WDR76: variants seen among roughly 807,000 people sequenced by gnomAD.
WDR76 encodes WD repeat-containing protein 76.
In WDR76, 52 loss-of-function variants were observed where a neutral mutation model predicts 70.2. That is an observed-to-expected ratio of 0.74 (90% CI 0.59 to 0.93). The LOEUF is 0.93. Ranked by LOEUF, WDR76 falls within the 40% of genes least tolerant of loss-of-function variation. WDR76 has a pLI of 0.00. For synonymous variants in WDR76, 292 were observed against 271.1 expected (o/e 1.08, Z -0.76); for missense variants, 756 against 760.2 (o/e 0.99, Z 0.07).
At chr15:43,856,203 GTTGC>G (rs2087924856) in intron 9 of WDR76, among the ~76,000 whole-genome samples, 1 of 152,044 alleles carries the variant, frequency 6.6e-6, no homozygotes, top group African/African-American at 2.4e-5. Context: ...GGATATTTAT[GTTGC>G]TTCTTATTGC....
intron 12 of WDR76, among the ~76,000 whole-genome samples, chr15:43,862,388 G>C (rs1423998883): frequency 7.0e-6 from 1 of 143,050 alleles, no homozygotes; most frequent in African/African-American, 2.6e-5. Flanking sequence ...CATGATCTTG[G>C]CTCACTGCAG....
At chr15:43,852,049 A>C (rs185549647) in intron 9 of WDR76, among the ~76,000 whole-genome samples, 7 of 152,374 alleles carry the variant, frequency 4.6e-5, no homozygotes, top group African/African-American at 1.7e-4. Flanking sequence ...CCTGGGTGAC[A>C]GAGTGAGACC....
intron 9 of WDR76, among the ~76,000 whole-genome samples, chr15:43,856,683 C>T (rs1473351706): frequency 3.3e-5 from 5 of 150,308 alleles, no homozygotes; most frequent in Non-Finnish European, 7.4e-5. Context: ...TAGTTAACAA[C>T]AGTGTATTGT....
intron 2 of WDR76, among the ~76,000 whole-genome samples, chr15:43,830,050 G>T (rs575390659): frequency 1.3e-5 from 2 of 150,398 alleles, no homozygotes; most frequent in African/African-American, 4.9e-5. Context: ...GGATGTTTGT[G>T]GGGTGGAGGT....
At chr15:43,852,920 C>G (rs1446879402) in intron 9 of WDR76, among the ~76,000 whole-genome samples, 1 of 152,066 alleles carries the variant, frequency 6.6e-6, no homozygotes, top group African/African-American at 2.4e-5. Flanking sequence ...CAGAGTCTCG[C>G]TCTTGTTGCC....
At chr15:43,860,596 G>A (rs932643488) in intron 11 of WDR76, among the ~76,000 whole-genome samples, 3 of 151,676 alleles carry the variant, frequency 2.0e-5, no homozygotes, top group Non-Finnish European at 2.9e-5. Flanking sequence ...GCCAACTTAC[G>A]GGCTCTAGCA....
chr15:43,853,689 T>G (rs1307895677), intron 9 of WDR76, among the ~76,000 whole-genome samples: 2 of 151,824 alleles, frequency 1.3e-5, no homozygotes, highest in Non-Finnish European at 2.9e-5. Flanking sequence ...GTGGATCACC[T>G]GAGGTCAGGA....
At chr15:43,857,820 C>CAAAAAA (rs972013972) in intron 10 of WDR76, among the ~76,000 whole-genome samples, 1 of 57,934 alleles carries the variant, frequency 1.7e-5, no homozygotes, top group Non-Finnish European at 3.2e-5. Flanking sequence ...CTCTTGTCTC[C>CAAAAAA]AAAAAAAAAA....
chr15:43,828,275 A>G lies in WDR76; in HGVS notation c.371A>G (p.Gln124Arg), dbSNP rs1272625715. ...GTTCATACTGAAAGTAACAAGCTACAACCCAAGAGAACGGCAGATGCGATG... is the reference window on the plus strand; with the variant it reads ...GTTCATACTGAAAGTAACAAGCTACGACCCAAGAGAACGGCAGATGCGATG... ...SAVHTESNKL[Q>R]PKRTADAMNL... Residue 124 changes from glutamine to arginine, a missense_variant, in exon 2 of 13, where the codon CAA (glutamine) becomes CGA (arginine). Physicochemically the swap from Gln to Arg is conservative, Grantham distance 43. Transcript: ENST00000263795. The G allele has an allele frequency of 6.2e-7, 1 of 1,614,216 alleles. No homozygotes were observed. The highest frequency in any genetic ancestry group is 1.6e-4 in the Middle Eastern group (1 of 6,062).
chr15:43,828,214 A>G lies in WDR76; in HGVS notation c.310A>G (p.Lys104Glu), dbSNP rs142964939. The G allele has an allele frequency of 1.6e-3, 2,620 of 1,614,222 alleles. 3 individuals are homozygous for G. The highest frequency in any genetic ancestry group is 2.2e-3 in the Non-Finnish European group (2,548 of 1,180,044). ...IPPKMKNTSS[K>E]AESTLQNSSS... The stretch of plus-strand genomic sequence containing the variant: ...TCCAAAGATGAAAAACACATCTTCC[A>G]AGGCAGAATCCACGCTGCAAAATTC... The change falls in exon 2 of 13, where the codon AAG (lysine) becomes GAG (glutamate). Residue 104 changes from lysine to glutamate, a missense_variant. Physicochemically the swap from Lys to Glu is moderately conservative, Grantham distance 56. Coordinates refer to ENST00000263795, the MANE Select transcript of WDR76 (RefSeq NM_024908.4).
intron 12 of WDR76, among the ~76,000 whole-genome samples, chr15:43,865,779 C>A (rs1276582252): frequency 1.3e-5 from 2 of 152,052 alleles, no homozygotes; most frequent in Non-Finnish European, 2.9e-5. Context: ...ATGATGGGGT[C>A]ATTTAAGTGG....
intron 7 of WDR76, 27 bp from the exon 8 acceptor site, chr15:43,843,874 C>G (rs1186817805): frequency 1.3e-6 from 2 of 1,522,226 alleles, no homozygotes; most frequent in East Asian, 2.4e-5. Context: ...GTTTTACTTA[C>G]AAAATTTAAC....
chr15:43,865,300 T>G (rs1467433130), intron 12 of WDR76, among the ~76,000 whole-genome samples: 1 of 151,916 alleles, frequency 6.6e-6, no homozygotes, highest in Non-Finnish European at 1.5e-5. Flanking sequence ...TGAGACAGAG[T>G]CTCACTCTGT....
intron 2 of WDR76, among the ~76,000 whole-genome samples, chr15:43,832,440 T>A (rs949009757): frequency 1.2e-3 from 179 of 151,932 alleles, no homozygotes; most frequent in Non-Finnish European, 2.2e-3. Flanking sequence ...TTGTTTTTTT[T>A]TTGTTTTTTT....
chr15:43,858,328 C>T (rs2140311969), intron 10 of WDR76, among the ~76,000 whole-genome samples: 1 of 151,514 alleles, frequency 6.6e-6, no homozygotes, highest in Admixed American at 6.6e-5. Flanking sequence ...GATCTCGGCT[C>T]ACTGCAACCT....
chr15:43,857,478 CTTG>C, intron 10 of WDR76: 1 of 985,312 alleles, frequency 1.0e-6, no homozygotes, highest in Non-Finnish European at 1.2e-6. Context: ...TGACCTATAA[CTTG>C]TTGGCCTGTG....
chr15:43,859,162 A>G (rs573890129), intron 11 of WDR76, among the ~76,000 whole-genome samples: 3 of 152,346 alleles, frequency 2.0e-5, no homozygotes, highest in Non-Finnish European at 2.9e-5. Context: ...AGTGGGATCT[A>G]TTCTGCAAGT....
In WDR76 at chr15:43,835,081, C is replaced by T; in HGVS notation, c.483C>T (p.Pro161=). The change falls in exon 3 of 13, where the codon CCC becomes CCT. Residue 161 remains proline, a synonymous_variant. Coordinates refer to ENST00000263795, the MANE Select transcript of WDR76 (RefSeq NM_024908.4). The stretch of plus-strand genomic sequence containing the variant: ...TATAGGATTTTTCGGGATTGTCACC[C>T]TACGAAAGGAAGAGACTGAAGAACA... ...TPSLDFSGLS[P]YERKRLKNIS... is the part of the protein sequence containing the mutation. The T allele has an allele frequency of 1.9e-6, 3 of 1,614,048 alleles. No homozygotes were observed. The highest frequency in any genetic ancestry group is 2.5e-6 in the Non-Finnish European group (3 of 1,179,970).
Position 43,868,114 on chromosome 15 carries a change from T to A in WDR76, c.*1722T>A, listed in dbSNP as rs552301358. ...ATAGTTCTCTATTTTCTAGTTGATA[T>A]AAGTAGAAGAATTGACAAGTGAGAT... On this transcript the variant is annotated 3_prime_UTR_variant, in exon 13 of 13. Transcript: ENST00000263795. 6.6e-6 allele frequency: 1 copy of A among 152,188 alleles called. No homozygotes were observed. The highest frequency in any genetic ancestry group is 2.4e-5 in the African/African-American group (1 of 41,456). The allele number at this position is 152,188 out of a possible 1,614,324, so 9.4% of individuals were successfully genotyped here.
Sources: allele counts gnomAD v4.1 joint callset (sites outside exome capture counted in the v4.1 genomes callset), GRCh38; gene constraint gnomAD v4.1.1; transcripts MANE v1.5; gene names NCBI Gene and HGNC (gene_info 2026-07-23, HGNC 2026-07-21).